Variants in PHACTR3 observed in about 807,000 individuals in gnomAD.
PHACTR3 encodes the protein phosphatase and actin regulator 3, also known as protein phosphatase 1, regulatory subunit 123.
In PHACTR3, 16 loss-of-function variants were observed where a neutral mutation model predicts 66.8. The observed-to-expected ratio is 0.24, with a 90% CI of 0.16 to 0.36. The LOEUF (loss-of-function observed/expected upper bound fraction) is 0.36, where lower values mean the gene tolerates loss of function less well. Among genes scored for constraint, PHACTR3 ranks in the 10% least tolerant of loss-of-function variants. The probability of loss-of-function intolerance (pLI) is 1.00; values close to 1 mark genes in which losing one functional copy is unlikely to be tolerated. For synonymous variants in PHACTR3, 323 were observed against 292.1 expected (o/e 1.11, Z -1.08); for missense variants, 647 against 719.9 (o/e 0.90, Z 1.16).
intron 5 of PHACTR3, 127 bp downstream of exon 5, chr20:59,767,522 A>G (rs1343990447): frequency 1.8e-6 from 2 of 1,116,400 alleles, no homozygotes; most frequent in Non-Finnish European, 2.5e-6. Flanking sequence ...ATCCATCCAT[A>G]CCTTCAACCA....
At chr20:59,580,233 C>T (rs2032819963) in intron 1 of PHACTR3, among the ~76,000 whole-genome samples, 1 of 152,074 alleles carries the variant, frequency 6.6e-6, no homozygotes, top group Non-Finnish European at 1.5e-5. Flanking sequence ...TGGGTTGGAG[C>T]AAGGGTCCCG....
Position 59,743,163 on chromosome 20 carries a change from A to G in PHACTR3, c.175A>G (p.Thr59Ala). Reference protein sequence around the residue: ...RPEYLVSGIRTPPVRRNSKLA... With the variant: ...RPEYLVSGIRAPPVRRNSKLA... ...TGAATATCTGGTCTCAGGGATTCGA[A>G]CTCCCCCTGTGAGGAGGAACAGCAA... is the stretch of plus-strand genomic sequence containing the variant. The change falls in exon 2 of 13, where the codon ACT (threonine) becomes GCT (alanine). Residue 59 changes from threonine (T) to alanine (A), a missense_variant. Thr to Ala is a moderately conservative substitution (Grantham distance 58). Transcript: ENST00000371015. 1 of 1,613,806 alleles carries G rather than the reference A, an allele frequency of 6.2e-7. No homozygotes were observed. The highest frequency in any genetic ancestry group is 8.5e-7 in the Non-Finnish European group (1 of 1,179,930).
intron 8 of PHACTR3, among the ~76,000 whole-genome samples, chr20:59,832,995 G>A (rs1337234151): frequency 1.3e-5 from 2 of 152,162 alleles, no homozygotes; most frequent in African/African-American, 2.4e-5. Flanking sequence ...CCCTCCACTG[G>A]TGAGAACCAC....
intron 1 of PHACTR3, among the ~76,000 whole-genome samples, chr20:59,731,218 C>T (rs2038748204): frequency 6.6e-6 from 1 of 152,158 alleles, no homozygotes; most frequent in African/African-American, 2.4e-5. Flanking sequence ...TGTGTTATTT[C>T]ACTTTTTGTC....
chr20:59,679,046 T>G (rs887568120), intron 1 of PHACTR3, among the ~76,000 whole-genome samples: 1 of 152,148 alleles, frequency 6.6e-6, no homozygotes, highest in Non-Finnish European at 1.5e-5. Context: ...GAATCACAGA[T>G]GGAGATCACG....
At chr20:59,798,211 T>A (rs1393709769) in intron 7 of PHACTR3, among the ~76,000 whole-genome samples, 1 of 149,576 alleles carries the variant, frequency 6.7e-6, no homozygotes, top group Non-Finnish European at 1.5e-5. Flanking sequence ...ATGTGAACTA[T>A]TGTGAAGCCC....
At chr20:59,641,227 T>C (rs1296557390) in intron 1 of PHACTR3, among the ~76,000 whole-genome samples, 1 of 152,168 alleles carries the variant, frequency 6.6e-6, no homozygotes, top group Non-Finnish European at 1.5e-5. Flanking sequence ...CATCCATGTA[T>C]GTATGCATGT....
chr20:59,799,247 G>A (rs984771308), intron 7 of PHACTR3, among the ~76,000 whole-genome samples: 11 of 152,024 alleles, frequency 7.2e-5, no homozygotes, highest in South Asian at 4.1e-4. Flanking sequence ...AAAAGAATGC[G>A]TGCTCTTCTG....
chr20:59,678,465 G>A (rs2036529394), intron 1 of PHACTR3, among the ~76,000 whole-genome samples: 1 of 152,062 alleles, frequency 6.6e-6, no homozygotes, highest in South Asian at 2.1e-4. Context: ...TCCTGTCTAG[G>A]GCCTCTTAGG....
chr20:59,774,305 C>T lies in PHACTR3; in HGVS notation c.989C>T (p.Thr330Met), dbSNP rs759882523. ...CGGCTGGATGTCCGTCTGTCGAGAACGTCCAGCGTGGAGCGGGGCAAGGAG... is the reference window on the plus strand; with the variant it reads ...CGGCTGGATGTCCGTCTGTCGAGAATGTCCAGCGTGGAGCGGGGCAAGGAG... ...KKRLDVRLSR[T>M]SSVERGKERE... The change falls in exon 7 of 13, where the codon ACG (threonine) becomes ATG (methionine). Residue 330 changes from threonine to methionine, a missense_variant. By Grantham distance (81) the Thr-to-Met change is moderately conservative. This residue lies in a region of PHACTR3 where 577 missense variants were observed against 571.1 expected (regional missense o/e 1.01). Transcript: ENST00000371015. 3.7e-6 allele frequency: 6 copies of T among 1,613,148 alleles called. No individual in the cohort carries two copies. Among genetic ancestry groups the T allele is most frequent in the East Asian group, 2.2e-5 (1 of 44,862 alleles).
At chr20:59,677,699 G>A (rs2036499021) in intron 1 of PHACTR3, among the ~76,000 whole-genome samples, 1 of 152,158 alleles carries the variant, frequency 6.6e-6, no homozygotes, top group African/African-American at 2.4e-5. Context: ...TCTTTTTAGA[G>A]GACAGGAAAT....
intron 7 of PHACTR3, among the ~76,000 whole-genome samples, chr20:59,798,545 C>G (rs2041320196): frequency 6.6e-6 from 1 of 151,804 alleles, no homozygotes; most frequent in Non-Finnish European, 1.5e-5. Flanking sequence ...AAATATAGGT[C>G]CATTCTGGTT....
intron 1 of PHACTR3, among the ~76,000 whole-genome samples, chr20:59,610,402 C>T (rs971081075): frequency 1.3e-5 from 2 of 152,212 alleles, no homozygotes; most frequent in Non-Finnish European, 2.9e-5. Context: ...AAGTCAGGCC[C>T]AGGGGCACCG....
chr20:59,840,558 G>C (rs889565079), intron 10 of PHACTR3, 128 bp downstream of exon 10: 16 of 1,370,744 alleles, frequency 1.2e-5, no homozygotes, highest in Non-Finnish European at 1.6e-5. Flanking sequence ...TGGACATCAT[G>C]GCATCAGTTA....
chr20:59,712,513 C>G (rs1045356326), intron 1 of PHACTR3, among the ~76,000 whole-genome samples: 1 of 152,150 alleles, frequency 6.6e-6, no homozygotes, highest in Non-Finnish European at 1.5e-5. Context: ...TGCACACTCT[C>G]GAGAGTTCCA....
chr20:59,754,581 C>T (rs1386930761), intron 3 of PHACTR3, among the ~76,000 whole-genome samples: 4 of 152,236 alleles, frequency 2.6e-5, no homozygotes, highest in East Asian at 1.9e-4. Flanking sequence ...GAGGGTCAAA[C>T]GGTGGGTGCA....
At chr20:59,722,767 G>A (rs2038365570) in intron 1 of PHACTR3, among the ~76,000 whole-genome samples, 1 of 152,108 alleles carries the variant, frequency 6.6e-6, no homozygotes, top group African/African-American at 2.4e-5. Flanking sequence ...GGAGCCCTCA[G>A]GGGTTTGGGA....
chr20:59,605,674 G>A (rs2033637326), intron 1 of PHACTR3, among the ~76,000 whole-genome samples: 1 of 152,250 alleles, frequency 6.6e-6, no homozygotes, highest in East Asian at 1.9e-4. Context: ...GCCGCCGGCA[G>A]GGAGACGAAG....
At chr20:59,727,874 G>A (rs1476724264) in intron 1 of PHACTR3, among the ~76,000 whole-genome samples, 2 of 152,072 alleles carry the variant, frequency 1.3e-5, no homozygotes, top group Non-Finnish European at 2.9e-5. Context: ...CAAGTGTTTC[G>A]GATCAAGAAT....
Sources: allele counts gnomAD v4.1 joint callset (sites outside exome capture counted in the v4.1 genomes callset), GRCh38; gene constraint gnomAD v4.1.1; regional missense constraint gnomAD v4.1.1; transcripts MANE v1.5; gene names NCBI Gene and HGNC (gene_info 2026-07-23, HGNC 2026-07-21).